The following EHHADH variants were observed in gnomAD, a reference collection of about 807,000 sequenced individuals.
EHHADH encodes peroxisomal bifunctional enzyme.
Under a neutral mutation model 64.4 loss-of-function variants are expected in EHHADH, and 48 were observed. The observed-to-expected ratio is 0.75, with a 90% CI of 0.59 to 0.95. The LOEUF (loss-of-function observed/expected upper bound fraction) is 0.95. Among genes scored for constraint, EHHADH ranks in the 40% least tolerant of loss-of-function variants. The pLI is 0.00. For missense variants in EHHADH, 854 were observed against 876.6 expected (o/e 0.97, Z 0.33); for synonymous variants, 308 against 326.7 (o/e 0.94, Z 0.62).
rs576283902 is a variant in EHHADH, at chr3:185,204,437, C to A, written c.889G>T (p.Val297Phe). The A allele has an allele frequency of 5.3e-5, 85 of 1,608,162 alleles. No individual in the cohort carries two copies. In the East Asian group the frequency reaches 1.8e-3, roughly 34 times the overall value. The change falls in exon 6 of 7, where the codon GTC becomes TTC. Residue 297 changes from valine to phenylalanine, a missense_variant. Physicochemically the swap from Val to Phe is conservative, Grantham distance 50 (BLOSUM62 -1). Transcript: ENST00000231887. ...ASWKTASARP[V>F]SSVGVVGLGT... Reference sequence around the variant, plus strand: ...TTACCAACAACACCAACTGAGGAGACAGGCCGCGCTGATGCTGTTTTCCAC... The same window carrying A: ...TTACCAACAACACCAACTGAGGAGAAAGGCCGCGCTGATGCTGTTTTCCAC...
At chr3:185,217,202 C>T (rs926321970) in intron 5 of EHHADH, among the ~76,000 whole-genome samples, 1 of 152,052 alleles carries the variant, frequency 6.6e-6, no homozygotes, top group African/African-American at 2.4e-5. Flanking sequence ...TAGTACCATC[C>T]CCTTGGTGAT....
At chr3:185,206,776 C>A (rs147134657) in intron 5 of EHHADH, among the ~76,000 whole-genome samples, 3 of 150,594 alleles carry the variant, frequency 2.0e-5, no homozygotes, top group African/African-American at 7.4e-5. Flanking sequence ...TGCAGTGAGC[C>A]GAGATCATGC....
At chr3:185,239,158 T>C (rs1719380939) in intron 2 of EHHADH, among the ~76,000 whole-genome samples, 1 of 152,100 alleles carries the variant, frequency 6.6e-6, no homozygotes, top group Admixed American at 6.6e-5. Flanking sequence ...TATTTTTGTA[T>C]CAGTACCATG....
At chr3:185,227,486 C>T (rs1177422305) in intron 4 of EHHADH, among the ~76,000 whole-genome samples, 2 of 150,864 alleles carry the variant, frequency 1.3e-5, no homozygotes, top group African/African-American at 4.9e-5. Flanking sequence ...GAGCTGAGAT[C>T]GCAGCATTGC....
chr3:185,196,773 G>A (rs574001899), intron 6 of EHHADH, among the ~76,000 whole-genome samples: 5 of 152,268 alleles, frequency 3.3e-5, no homozygotes, highest in East Asian at 1.9e-4. Context: ...AGGCCAGTGC[G>A]CAAGGATCAT....
At chr3:185,199,033 T>C (rs984979297) in intron 6 of EHHADH, among the ~76,000 whole-genome samples, 3 of 152,010 alleles carry the variant, frequency 2.0e-5, no homozygotes, top group African/African-American at 7.3e-5. Context: ...AAGTAAATGA[T>C]GTGAAAAGTT....
At chr3:185,199,927 C>T (rs1718178015) in intron 6 of EHHADH, among the ~76,000 whole-genome samples, 1 of 152,202 alleles carries the variant, frequency 6.6e-6, no homozygotes, top group East Asian at 1.9e-4. Context: ...TGTTTTTGTG[C>T]ACAACGGTAG....
intron 2 of EHHADH, among the ~76,000 whole-genome samples, chr3:185,243,558 A>C (rs934062796): frequency 2.0e-5 from 3 of 152,006 alleles, no homozygotes; most frequent in African/African-American, 7.3e-5. Flanking sequence ...TCTATATTTT[A>C]AAAAAATTTC....
Position 185,192,139 on chromosome 3 carries a change from C to A in EHHADH, c.*87G>T. ...ATTTTGCTTTGTATTTCAGAACAATCTTACTTTGGATTTTTGATTTAATTT... is the reference window on the plus strand; with the variant it reads ...ATTTTGCTTTGTATTTCAGAACAATATTACTTTGGATTTTTGATTTAATTT... On this transcript the variant is annotated 3_prime_UTR_variant, in exon 7 of 7. Coordinates refer to ENST00000231887, the MANE Select transcript of EHHADH (RefSeq NM_001966.4). 1 of 1,416,604 alleles carries A rather than the reference C, an allele frequency of 7.1e-7. No homozygotes were observed. 87.8% of individuals were successfully genotyped at this position (1,416,604 alleles called of 1,614,324 possible). A position where few individuals can be genotyped will look rare whatever the true frequency, so the allele number is the denominator to read the frequency against.
intron 6 of EHHADH, among the ~76,000 whole-genome samples, chr3:185,202,694 T>C (rs1479084656): frequency 1.3e-5 from 2 of 152,284 alleles, no homozygotes; most frequent in Middle Eastern, 3.4e-3. Context: ...ACTGCGCATG[T>C]GAGGGATCTA....
At chr3:185,245,420 C>T (rs1719568767) in intron 2 of EHHADH, 1 of 685,010 alleles carries the variant, frequency 1.5e-6, no homozygotes, top group Non-Finnish European at 2.3e-6. Flanking sequence ...GGTTTAGCCA[C>T]ATATCCACAA....
chr3:185,251,821 A>G (rs748759195), intron 1 of EHHADH, among the ~76,000 whole-genome samples: 1 of 152,186 alleles, frequency 6.6e-6, no homozygotes, highest in Non-Finnish European at 1.5e-5. Context: ...AGTTCAGAAG[A>G]CAGACAAAAA....
chr3:185,221,571 T>C (rs1410454280), intron 4 of EHHADH, among the ~76,000 whole-genome samples: 1 of 74,578 alleles, frequency 1.3e-5, no homozygotes, highest in Non-Finnish European at 3.2e-5. Context: ...CATGATATTT[T>C]TTTTTCTTTT....
intron 2 of EHHADH, among the ~76,000 whole-genome samples, chr3:185,242,045 C>T (rs565411296): frequency 3.9e-5 from 6 of 152,038 alleles, no homozygotes; most frequent in Non-Finnish European, 7.4e-5. Flanking sequence ...TGTGTCCAAG[C>T]AGAGAATCAA....
At chr3:185,228,508 G>A (rs1207973435) in intron 4 of EHHADH, among the ~76,000 whole-genome samples, 2 of 150,590 alleles carry the variant, frequency 1.3e-5, no homozygotes, top group Non-Finnish European at 3.0e-5. Flanking sequence ...GAGAAACCCC[G>A]TCTCTACTAA....
Position 185,248,440 on chromosome 3 carries a change from C to T in EHHADH, c.152G>A (p.Cys51Tyr), listed in dbSNP as rs1173345552. The T allele has an allele frequency of 1.2e-6, 2 of 1,614,136 alleles. No homozygotes were observed. The highest frequency in any genetic ancestry group is 3.3e-5 in the Admixed American group (2 of 60,026). Residue 51 changes from cysteine (C) to tyrosine (Y), a missense_variant, in exon 2 of 7, where the codon TGT (cysteine) becomes TAT (tyrosine). Coordinates refer to ENST00000231887, the MANE Select transcript of EHHADH (RefSeq NM_001966.4). ...TGCAGAAAATTTGCCCTCTGCTCCA[C>T]AAATCACAATGGCTTTTATTGTATG... is the stretch of plus-strand genomic sequence containing the variant. ...IDHTIKAIVI[C>Y]GAEGKFSAGA... is the part of the protein sequence containing the mutation.
chr3:185,240,322 A>G (rs1028457234), intron 2 of EHHADH, among the ~76,000 whole-genome samples: 1 of 151,616 alleles, frequency 6.6e-6, no homozygotes, highest in Admixed American at 6.6e-5. Flanking sequence ...TTGATTTTTC[A>G]GAATAGTTTC....
In EHHADH at chr3:185,217,086, T is replaced by C. The variant is rs535725600; in HGVS notation, c.568+1050A>G. On this transcript the variant is annotated intron_variant, in intron 5 of 6. Transcript: ENST00000231887. ...TATAGAGCCTGTGATATGGTTTAGATGTGTGTCCGCTCCAAATCTCATGTT... is the reference window on the plus strand; with the variant it reads ...TATAGAGCCTGTGATATGGTTTAGACGTGTGTCCGCTCCAAATCTCATGTT... 2.0e-5 allele frequency among the ~76,000 whole-genome samples: 3 copies of C among 152,254 alleles called. No individual in the cohort carries two copies. In the South Asian group the frequency reaches 6.2e-4, roughly 32 times the overall value.
intron 3 of EHHADH, among the ~76,000 whole-genome samples, chr3:185,232,565 C>G (rs1383678075): frequency 6.6e-6 from 1 of 152,188 alleles, no homozygotes; most frequent in Non-Finnish European, 1.5e-5. Context: ...TCTCCTGCCT[C>G]AGCCTCCCAA....
Sources: allele counts gnomAD v4.1 joint callset (sites outside exome capture counted in the v4.1 genomes callset), GRCh38; gene constraint gnomAD v4.1.1; transcripts MANE v1.5; gene names NCBI Gene and HGNC (gene_info 2026-07-23, HGNC 2026-07-21).